The following CPLANE1 variants were observed in gnomAD, a reference collection of about 807,000 sequenced individuals.
CPLANE1 encodes the protein ciliogenesis and planar polarity effector complex subunit 1, also known as ciliogenesis and planar polarity effector 1.
A neutral mutation model predicts 362.5 loss-of-function variants in CPLANE1; 263 were observed. That is an observed-to-expected ratio of 0.73 (90% confidence interval 0.66 to 0.80). The LOEUF (loss-of-function observed/expected upper bound fraction) is 0.80. Ranked by LOEUF, CPLANE1 falls within the 30% of genes least tolerant of loss-of-function variation. CPLANE1 has a pLI of 0.00. For missense variants in CPLANE1, 3,461 were observed against 3,793.4 expected, an observed-to-expected ratio of 0.91 and a Z score of 2.30; for synonymous variants, 1,212 against 1,302.6, an observed-to-expected ratio of 0.93 and a Z score of 1.50.
At chr5:37,152,913 G>T (rs940771704) in intron 42 of CPLANE1, among the ~76,000 whole-genome samples, 2 of 151,858 alleles carry the variant, frequency 1.3e-5, no homozygotes, top group East Asian at 1.9e-4. Flanking sequence ...AAAAAGATAT[G>T]AAAAATTTCT....
chr5:37,139,381 AAT>A lies in CPLANE1; in HGVS notation c.8633-13_8633-12del. 8.7e-7 allele frequency: 1 copy of A among 1,154,360 alleles called. No homozygotes were observed. Among genetic ancestry groups the A allele is most frequent in the Non-Finnish European group, 1.2e-6 (1 of 835,184 alleles). The allele number at this position is 1,154,360 out of a possible 1,614,324, so 71.5% of individuals were successfully genotyped here. ...CACTGCTATTCATACCTAAAAAAAA[AAT>A]CATTATTAATAAAAATTTTGGGTTT... is the stretch of plus-strand genomic sequence containing the variant. On this transcript the variant is annotated splice_polypyrimidine_tract_variant and intron_variant, in intron 44 of 52. Transcript: ENST00000651892.
At position 37,179,449 on chromosome 5, in the gene CPLANE1, G is replaced by A. The variant is rs148634159; in HGVS notation, c.5738-6C>T. 3.2e-4 allele frequency: 515 copies of A among 1,593,982 alleles called. 3 individuals are homozygous for A. The African/African-American group carries it at 6.0e-3, about 19-fold the overall frequency. ...AACAGATTCTTCAATGTCTTCTAGC[G>A]ATAAGTGAAGATGAAGAGAAAACTG... On this transcript the variant is annotated splice_polypyrimidine_tract_variant and splice_region_variant and intron_variant, in intron 28 of 52. Coordinates refer to ENST00000651892, the MANE Select transcript of CPLANE1 (RefSeq NM_001384732.1).
intron 42 of CPLANE1, among the ~76,000 whole-genome samples, chr5:37,150,471 TATC>T (rs1470242605): frequency 6.6e-6 from 1 of 152,074 alleles, no homozygotes; most frequent in Admixed American, 6.6e-5. Context: ...ACCTCAAATT[TATC>T]ATGTCCCTGA....
In CPLANE1 at chr5:37,198,990, G is replaced by C. The variant is rs1788378869; in HGVS notation, c.3508-124C>G. ...CTCACGCCTGTAATCCCAGCACTTT[G>C]GAAGGCTGAAGCAGGAGGACTGCTT... On this transcript the variant is annotated intron_variant, in intron 19 of 52. Transcript: ENST00000651892. 3.5e-6 allele frequency: 3 copies of C among 863,372 alleles called. No individual in the cohort carries two copies. The Admixed American group carries it at 8.0e-5, about 23-fold the overall frequency. 53.5% of individuals were successfully genotyped at this position (863,372 alleles called of 1,614,324 possible).
At chr5:37,229,012 G>A (rs2150480727) in intron 9 of CPLANE1, among the ~76,000 whole-genome samples, 1 of 151,556 alleles carries the variant, frequency 6.6e-6, no homozygotes, top group South Asian at 2.1e-4. Context: ...ACGAGGTTAG[G>A]AGTTTGAGAC....
In CPLANE1 at chr5:37,239,793, T is replaced by C; in HGVS notation, c.754A>G (p.Lys252Glu). ...CSLIPKCESV[K>E]SRGALISAFS... The stretch of plus-strand genomic sequence containing the variant: ...GCAGAAATTAGAGCTCCTCTTGACT[T>C]TACTGATTCACATTTAGGAATTAAA... Residue 252 changes from lysine (K) to glutamate (E), a missense_variant, in exon 7 of 53, where the codon AAG becomes GAG. Lys to Glu is a moderately conservative substitution (Grantham distance 56). Coordinates refer to ENST00000651892, the MANE Select transcript of CPLANE1 (RefSeq NM_001384732.1). 1 of 1,547,196 alleles carries C rather than the reference T, an allele frequency of 6.5e-7. No individual in the cohort carries two copies. The highest frequency in any genetic ancestry group is 8.7e-7 in the Non-Finnish European group (1 of 1,144,490).
intron 47 of CPLANE1, among the ~76,000 whole-genome samples, chr5:37,124,208 T>C (rs1763510169): frequency 6.6e-6 from 1 of 152,164 alleles, no homozygotes; most frequent in Non-Finnish European, 1.5e-5. Flanking sequence ...GTTATCCTAA[T>C]GATGCTGAAA....
chr5:37,236,350 T>C (rs888494329), intron 8 of CPLANE1, among the ~76,000 whole-genome samples: 1 of 152,106 alleles, frequency 6.6e-6, no homozygotes, highest in East Asian at 1.9e-4. Flanking sequence ...TCAATAAAAA[T>C]AGTGCTGGGA....
At chr5:37,104,241 G>A (rs1479287636), downstream of CPLANE1, among the ~76,000 whole-genome samples, 1 of 152,156 alleles carries the variant, frequency 6.6e-6, no homozygotes, top group Admixed American at 6.5e-5. Context: ...CCCTAAACTG[G>A]TTATTCTGGC....
intron 42 of CPLANE1, among the ~76,000 whole-genome samples, chr5:37,152,337 C>T (rs756962686): frequency 1.3e-5 from 2 of 151,980 alleles, no homozygotes; most frequent in East Asian, 1.9e-4. Flanking sequence ...CCACCATACC[C>T]GACTTATTAT....
intron 12 of CPLANE1, among the ~76,000 whole-genome samples, chr5:37,225,744 C>CG (rs1032913492): frequency 4.1e-5 from 6 of 146,738 alleles, no homozygotes; most frequent in African/African-American, 1.3e-4. Context: ...CCCAGCTACT[C>CG]GGGGGGCTGA....
At chr5:37,189,230 C>T (rs537506327) in intron 21 of CPLANE1, among the ~76,000 whole-genome samples, 12 of 152,090 alleles carry the variant, frequency 7.9e-5, no homozygotes, top group African/African-American at 2.7e-4. Context: ...ATTTAATATG[C>T]TTTTTAAAAT....
intron 19 of CPLANE1, among the ~76,000 whole-genome samples, chr5:37,199,155 A>G (rs1029948017): frequency 6.6e-6 from 1 of 151,536 alleles, no homozygotes; most frequent in African/African-American, 2.4e-5. Context: ...TTCTCAAACT[A>G]GGATGTTCCT....
chr5:37,231,134 T>C (rs1797639575), intron 8 of CPLANE1, 85 bp from the exon 9 acceptor site: 1 of 993,062 alleles, frequency 1.0e-6, no homozygotes, highest in Non-Finnish European at 1.3e-6. Context: ...CAAGCAGAGG[T>C]GTGAAAGTTC....
At position 37,187,478 on chromosome 5, in the gene CPLANE1, T is replaced by C. The variant is rs1336701878; in HGVS notation, c.4016A>G (p.Asn1339Ser). ...YRMLPFSRFF[N>S]MEELIQDIIL... ...TATATCCTGAATAAGTTCTTCCATATTAAAAAACCGAGAGAAAGGCAGCAT... is the reference window on the plus strand; with the variant it reads ...TATATCCTGAATAAGTTCTTCCATACTAAAAAACCGAGAGAAAGGCAGCAT... Residue 1339 changes from asparagine (N) to serine (S), a missense_variant, in exon 23 of 53, where the codon AAT (asparagine) becomes AGT (serine). By Grantham distance (46) the Asn-to-Ser change is conservative. This residue lies in a region of CPLANE1 where 3,380 missense variants were observed against 3,666.1 expected (regional missense o/e 0.92). Coordinates refer to ENST00000651892, the MANE Select transcript of CPLANE1 (RefSeq NM_001384732.1). 6.2e-7 allele frequency: 1 copy of C among 1,613,838 alleles called. No homozygotes were observed. Among genetic ancestry groups the C allele is most frequent in the South Asian group, 1.1e-5 (1 of 91,046 alleles).
intron 35 of CPLANE1, among the ~76,000 whole-genome samples, chr5:37,165,948 A>T (rs972084265): frequency 6.6e-6 from 1 of 151,948 alleles, no homozygotes; most frequent in African/African-American, 2.4e-5. Flanking sequence ...TAATTATTAA[A>T]CTCTCTTTTC....
chr5:37,247,375 A>G (rs574921993), intron 2 of CPLANE1, among the ~76,000 whole-genome samples: 1 of 152,344 alleles, frequency 6.6e-6, no homozygotes, highest in East Asian at 1.9e-4. Flanking sequence ...TGAAAAAAAT[A>G]GTTTAAGTAA....
intron 29 of CPLANE1, among the ~76,000 whole-genome samples, chr5:37,178,718 T>A (rs1462634412): frequency 2.0e-5 from 3 of 151,916 alleles, no homozygotes; most frequent in African/African-American, 7.3e-5. Flanking sequence ...TATCAAAAAG[T>A]ATATATATGT....
intron 16 of CPLANE1, among the ~76,000 whole-genome samples, chr5:37,208,684 C>A (rs570866706): frequency 1.4e-3 from 164 of 119,120 alleles, no homozygotes; most frequent in East Asian, 9.3e-3. Flanking sequence ...CTCCCCCCCC[C>A]CCCAAAAAAA....
Sources: allele counts gnomAD v4.1 joint callset (sites outside exome capture counted in the v4.1 genomes callset), GRCh38; gene constraint gnomAD v4.1.1; regional missense constraint gnomAD v4.1.1; transcripts MANE v1.5; gene names NCBI Gene and HGNC (gene_info 2026-07-23, HGNC 2026-07-21).